Variants in ATP9A observed in about 807,000 individuals in gnomAD.
The protein encoded by ATP9A is probable phospholipid-transporting ATPase IIA.
A neutral mutation model predicts 144.1 loss-of-function variants in ATP9A; 52 were observed. The observed-to-expected ratio is 0.36, with a 90% CI of 0.29 to 0.45. The LOEUF (loss-of-function observed/expected upper bound fraction) is 0.45. ATP9A is among the 20% of genes least tolerant of loss of function. The pLI is 1.00. For missense variants in ATP9A, 947 were observed against 1,392.7 expected (o/e 0.68, Z 5.09); for synonymous variants, 582 against 557.4 (o/e 1.04, Z -0.62).
chr20:51,671,346 C>T, intron 11 of ATP9A, 89 bp from the exon 12 acceptor site: 14 of 1,454,128 alleles, frequency 9.6e-6, no homozygotes, highest in Non-Finnish European at 1.0e-5. Flanking sequence ...AACACATGTG[C>T]CATCGCATCC....
intron 13 of ATP9A, among the ~76,000 whole-genome samples, chr20:51,665,254 T>C (rs1194786732): frequency 6.9e-6 from 1 of 145,268 alleles, no homozygotes; most frequent in Non-Finnish European, 1.5e-5. Context: ...AGCAGGGGGG[T>C]TTGGGAACTC....
Position 51,709,344 on chromosome 20 carries a change from G to A in ATP9A, c.436+3622C>T, listed in dbSNP as rs181318827. On this transcript the variant is annotated intron_variant, in intron 4 of 27. Transcript: ENST00000338821. ...AGCCTGGCTAACATGGTGAAACCCC[G>A]TCTCTACTAAAAATACAAAAATTAG... Among the ~76,000 whole-genome samples the A allele has an allele frequency of 2.6e-5, 4 of 151,968 alleles. No homozygotes were observed. The East Asian group carries it at 7.8e-4, about 29-fold the overall frequency.
chr20:51,624,664 G>C (rs939147263), intron 18 of ATP9A, among the ~76,000 whole-genome samples: 3 of 152,048 alleles, frequency 2.0e-5, no homozygotes, highest in Non-Finnish European at 4.4e-5. Context: ...GGAGTCAGGG[G>C]AGTCATCGGT....
At chr20:51,647,276 C>T (rs903026142) in intron 14 of ATP9A, among the ~76,000 whole-genome samples, 3 of 152,116 alleles carry the variant, frequency 2.0e-5, no homozygotes, top group Admixed American at 6.6e-5. Flanking sequence ...AGACCGGGCA[C>T]GGTGGCTCAT....
At chr20:51,646,134 T>G (rs1601079358) in intron 14 of ATP9A, among the ~76,000 whole-genome samples, 1 of 152,178 alleles carries the variant, frequency 6.6e-6, no homozygotes, top group African/African-American at 2.4e-5. Context: ...CCCACACCTT[T>G]CCCTGCCTCA....
intron 1 of ATP9A, among the ~76,000 whole-genome samples, chr20:51,758,810 A>G (rs1231872325): frequency 6.6e-6 from 1 of 152,172 alleles, no homozygotes; most frequent in Non-Finnish European, 1.5e-5. Context: ...CTGTAATCCC[A>G]GCTACTCAGG....
intron 5 of ATP9A, 136 bp from the exon 6 acceptor site, chr20:51,696,280 C>G (rs1394916461): frequency 1.6e-6 from 1 of 639,266 alleles, no homozygotes; most frequent in Non-Finnish European, 2.8e-6. Context: ...GACTCTTTTA[C>G]GTTTCTGCCT....
chr20:51,640,366 A>C (rs2077313732), intron 14 of ATP9A, among the ~76,000 whole-genome samples: 1 of 152,186 alleles, frequency 6.6e-6, no homozygotes, highest in Non-Finnish European at 1.5e-5. Flanking sequence ...TAATGCTGGT[A>C]TCCAGTGGGC....
chr20:51,629,813 G>A (rs2077263403), intron 15 of ATP9A, among the ~76,000 whole-genome samples: 1 of 152,164 alleles, frequency 6.6e-6, no homozygotes, highest in Non-Finnish European at 1.5e-5. Context: ...GTGTGCAGCT[G>A]GACAAGCTAC....
intron 1 of ATP9A, among the ~76,000 whole-genome samples, chr20:51,749,087 G>A (rs75592767): frequency 0.11 from 16,733 of 152,238 alleles, 1,228 homozygotes; most frequent in Non-Finnish European, 0.16. Flanking sequence ...AAGGCCAGGT[G>A]CAATGGTGTG....
chr20:51,734,271 C>T (rs1201474847), intron 1 of ATP9A, among the ~76,000 whole-genome samples: 2 of 152,094 alleles, frequency 1.3e-5, no homozygotes, highest in Admixed American at 1.3e-4. Context: ...GTGTGAGCCA[C>T]CCCACTCAGC....
chr20:51,726,472 G>A (rs993713601), intron 2 of ATP9A, among the ~76,000 whole-genome samples: 1 of 151,144 alleles, frequency 6.6e-6, no homozygotes, highest in African/African-American at 2.5e-5. Context: ...TGATATACAT[G>A]GAAATTGTAA....
At chr20:51,748,611 C>T (rs1004108778) in intron 1 of ATP9A, among the ~76,000 whole-genome samples, 1 of 152,144 alleles carries the variant, frequency 6.6e-6, no homozygotes, top group African/African-American at 2.4e-5. Context: ...GACAAATAGG[C>T]GCTGTCACTG....
intron 13 of ATP9A, among the ~76,000 whole-genome samples, chr20:51,669,432 A>C (rs535126046): frequency 1.3e-5 from 2 of 152,330 alleles, no homozygotes; most frequent in East Asian, 3.9e-4. Context: ...CTGATGAACT[A>C]ATTTCTTCCT....
At chr20:51,671,807 T>A (rs1035391616) in intron 11 of ATP9A, among the ~76,000 whole-genome samples, 1 of 152,004 alleles carries the variant, frequency 6.6e-6, no homozygotes, top group Non-Finnish European at 1.5e-5. Flanking sequence ...TTGACTACTT[T>A]TTTTTTTTTG....
At chr20:51,622,208 GT>G (rs1309488775) in intron 18 of ATP9A, 36 bp from the exon 19 acceptor site, 3 of 1,571,284 alleles carry the variant, frequency 1.9e-6, no homozygotes, top group South Asian at 2.2e-5. Flanking sequence ...CTGTTTATTA[GT>G]TTTTGAGGCC....
At chr20:51,749,241 T>C (rs1399785492) in intron 1 of ATP9A, among the ~76,000 whole-genome samples, 3 of 152,068 alleles carry the variant, frequency 2.0e-5, no homozygotes, top group Non-Finnish European at 4.4e-5. Flanking sequence ...AGAAGGTTGT[T>C]ATATACTGAC....
chr20:51,654,491 T>C (rs1174169468), intron 14 of ATP9A, among the ~76,000 whole-genome samples: 1 of 151,798 alleles, frequency 6.6e-6, no homozygotes. Context: ...CCTCCCAATG[T>C]TGGTACAAGA....
At chr20:51,732,539 G>A (rs2077746605) in intron 1 of ATP9A, 1 of 152,182 alleles carries the variant, frequency 6.6e-6, no homozygotes, top group South Asian at 2.1e-4. Context: ...AAATTTCCAT[G>A]ATGAAACACA....
Sources: gnomAD v4.1 joint callset for allele counts (sites outside exome capture counted in the v4.1 genomes callset) on GRCh38, gnomAD v4.1.1 for gene constraint, MANE v1.5 for transcripts, NCBI Gene and HGNC (gene_info 2026-07-23, HGNC 2026-07-21) for gene names.